The following ADH7 variants were observed in gnomAD, a reference collection of about 807,000 sequenced individuals.
ADH7 encodes the protein all-trans-retinol dehydrogenase [NAD(+)] ADH7.
In ADH7, 41 loss-of-function variants were observed where a neutral mutation model predicts 34.4. The observed-to-expected ratio is 1.19, with a 90% CI of 0.93 to 1.55. The LOEUF (loss-of-function observed/expected upper bound fraction) is 1.55, where lower values mean the gene tolerates loss of function less well. Among genes scored for constraint, ADH7 ranks in the 40% most tolerant of loss-of-function variants. The pLI, the probability that ADH7 is intolerant of heterozygous loss-of-function variation, is 0.00. For synonymous variants in ADH7, 180 were observed against 160.9 expected (o/e 1.12, Z -0.90); for missense variants, 540 against 461.2 (o/e 1.17, Z -1.56).
At position 99,428,758 on chromosome 4, in the gene ADH7, C is replaced by T. The variant is rs571672918; in HGVS notation, c.121-128G>A. ...TCTTTGCCTAATATAACAACATTTACTCTTAGACTATTCTGAGCCAAAAAT... is the reference window on the plus strand; with the variant it reads ...TCTTTGCCTAATATAACAACATTTATTCTTAGACTATTCTGAGCCAAAAAT... On this transcript the variant is annotated intron_variant, in intron 2 of 8. Coordinates refer to ENST00000437033, the MANE Select transcript of ADH7 (RefSeq NM_000673.7). 137 of 1,225,968 alleles carry T rather than the reference C, an allele frequency of 1.1e-4. 2 individuals are homozygous for T. In the African/African-American group the frequency reaches 1.5e-3, roughly 13 times the overall value. 75.9% of individuals were successfully genotyped at this position (1,225,968 alleles called of 1,614,324 possible).
rs150551313 is a variant in ADH7 at position 99,419,115 on chromosome 4, C to A, written c.832G>T (p.Ala278Ser). 118 of 1,613,296 alleles carry A rather than the reference C, an allele frequency of 7.3e-5. No homozygotes were observed. Among genetic ancestry groups the A allele is most frequent in the Non-Finnish European group, 9.3e-5 (110 of 1,179,654 alleles). Reference sequence around the variant, plus strand: ...TAGTTCATGTGGCAGGATGCCAGGGCATCAATCTGAGTTTAAAACGGAGGA... The same window carrying A: ...TAGTTCATGTGGCAGGATGCCAGGGAATCAATCTGAGTTTAAAACGGAGGA... ...VIGHLETMID[A>S]LASCHMNYGT... The change falls in exon 7 of 9, where the codon GCC (alanine) becomes TCC (serine). Residue 278 changes from alanine (A) to serine (S), a missense_variant. Transcript: ENST00000437033.
chr4:99,429,892 T>C (rs956921352), intron 1 of ADH7, among the ~76,000 whole-genome samples: 1 of 152,174 alleles, frequency 6.6e-6, no homozygotes, highest in South Asian at 2.1e-4. Flanking sequence ...GGACTAGACC[T>C]GAGGTACTTT....
At position 99,415,492 on chromosome 4, in the gene ADH7, G is replaced by T; in HGVS notation, c.1086C>A (p.Leu362=). Residue 362 remains leucine, a synonymous_variant, in exon 8 of 9, where the codon CTC becomes CTA. Coordinates refer to ENST00000437033, the MANE Select transcript of ADH7 (RefSeq NM_000673.7). ...FKKISEGFEL[L]NSGQSIRTVL... ...GAAACAGTTACCTTTGTCCTGAATT[G>T]AGCAGCTCAAATCCTTCACTGATTT... 1.2e-6 allele frequency: 2 copies of T among 1,612,594 alleles called. No individual in the cohort carries two copies. Among genetic ancestry groups the T allele is most frequent in the South Asian group, 1.1e-5 (1 of 90,740 alleles).
chr4:99,413,704 A>T lies in ADH7; in HGVS notation c.1101-532T>A, dbSNP rs189612768. Among the ~76,000 whole-genome samples, 101 of 152,336 alleles carry T rather than the reference A, an allele frequency of 6.6e-4. 1 individual carries two copies. Among genetic ancestry groups the T allele is most frequent in the African/African-American group, 2.4e-3 (98 of 41,578 alleles). Reference sequence around the variant, plus strand: ...CTTAGTGAAAGACTAACTGGAATGTATTTTAATACAGAAGGTGGAAAACCT... The same window carrying T: ...CTTAGTGAAAGACTAACTGGAATGTTTTTTAATACAGAAGGTGGAAAACCT... On this transcript the variant is annotated intron_variant, in intron 8 of 8. Transcript: ENST00000437033.
At position 99,413,103 on chromosome 4, in the gene ADH7, A is replaced by G; in HGVS notation, c.*45T>C. 6.2e-7 allele frequency: 1 copy of G among 1,606,794 alleles called. No individual in the cohort carries two copies. The highest frequency in any genetic ancestry group is 8.5e-7 in the Non-Finnish European group (1 of 1,174,954). On this transcript the variant is annotated 3_prime_UTR_variant, in exon 9 of 9. Transcript: ENST00000437033. ...AGATGAGGGAACTCTCACAAGAGAA[A>G]CTCCAGTTCACCATGACAACACAGA...
intron 8 of ADH7, 127 bp from the exon 9 acceptor site, chr4:99,413,299 G>A: frequency 2.0e-6 from 2 of 1,001,284 alleles, no homozygotes; most frequent in East Asian, 5.1e-5. Flanking sequence ...AAATCCTCTG[G>A]GCTCAAAGTC....
intron 1 of ADH7, among the ~76,000 whole-genome samples, chr4:99,430,723 G>A (rs1357281611): frequency 6.6e-6 from 1 of 152,104 alleles, no homozygotes; most frequent in African/African-American, 2.4e-5. Flanking sequence ...GTGTAATATG[G>A]CCCAATGTTG....
At chr4:99,421,854 A>G (rs1359770213) in intron 5 of ADH7, among the ~76,000 whole-genome samples, 1 of 152,220 alleles carries the variant, frequency 6.6e-6, no homozygotes, top group East Asian at 1.9e-4. Flanking sequence ...ATATGAACAG[A>G]CACTTCTCAA....
intron 5 of ADH7, among the ~76,000 whole-genome samples, 160 bp from the exon 6 acceptor site, chr4:99,420,953 A>G (rs1721644334): frequency 6.6e-6 from 1 of 152,246 alleles, no homozygotes; most frequent in South Asian, 2.1e-4. Context: ...AGGGATGTGA[A>G]GGACCTCTTC....
chr4:99,419,154 C>T (rs749296680), intron 6 of ADH7, 33 bp from the exon 7 acceptor site: 4 of 1,603,422 alleles, frequency 2.5e-6, no homozygotes, highest in Non-Finnish European at 3.4e-6. Context: ...CGTTTGCTTC[C>T]TGTGTCTCTT....
In ADH7 at chr4:99,415,464, T is replaced by A; in HGVS notation, c.1100+14A>T. On this transcript the variant is annotated intron_variant, in intron 8 of 8. Transcript: ENST00000437033. Reference sequence around the variant, plus strand: ...CTGTGGAGAAGAGACAAGATCATCATAAGAAACAGTTACCTTTGTCCTGAA... The same window carrying A: ...CTGTGGAGAAGAGACAAGATCATCAAAAGAAACAGTTACCTTTGTCCTGAA... 1.2e-6 allele frequency: 2 copies of A among 1,608,332 alleles called. No individual in the cohort carries two copies. Among genetic ancestry groups the A allele is most frequent in the Non-Finnish European group, 1.7e-6 (2 of 1,177,536 alleles).
Position 99,418,967 on chromosome 4 carries a change from G to A in ADH7, c.961+19C>T, listed in dbSNP as rs375718550. 6.2e-7 allele frequency: 1 copy of A among 1,612,512 alleles called. No homozygotes were observed. Among genetic ancestry groups the A allele is most frequent in the Non-Finnish European group, 8.5e-7 (1 of 1,179,286 alleles). On this transcript the variant is annotated intron_variant, in intron 7 of 8. Transcript: ENST00000437033. Reference sequence around the variant, plus strand: ...AGTGAAAGCCATCACTCCCCATCCAGAGGCTTTGCTTTCCTGACCTCCAAA... The same window carrying A: ...AGTGAAAGCCATCACTCCCCATCCAAAGGCTTTGCTTTCCTGACCTCCAAA...
intron 7 of ADH7, 88 bp downstream of exon 7, chr4:99,418,898 G>A (rs1339608741): frequency 1.3e-6 from 2 of 1,487,166 alleles, no homozygotes; most frequent in South Asian, 1.3e-5. Context: ...ATTCTTGGAA[G>A]AAAGGCCTGA....
intron 1 of ADH7, 165 bp downstream of exon 1, chr4:99,435,050 GA>G: frequency 1.3e-6 from 2 of 1,544,330 alleles, no homozygotes; most frequent in Non-Finnish European, 1.7e-6. Context: ...GACATTCTCT[GA>G]AACACCATAT....
At chr4:99,434,978 A>G (rs1722013972) in intron 1 of ADH7, 3 of 1,406,436 alleles carry the variant, frequency 2.1e-6, no homozygotes, top group Non-Finnish European at 2.9e-6. Flanking sequence ...CAATTTCTCT[A>G]TTTTCCACCA....
intron 5 of ADH7, among the ~76,000 whole-genome samples, chr4:99,423,753 AG>A (rs1401811248): frequency 4.0e-5 from 6 of 151,818 alleles, no homozygotes; most frequent in African/African-American, 1.5e-4. Context: ...AATTTGTTTG[AG>A]TTCATTGTAG....
At chr4:99,429,958 G>C (rs540356143) in intron 1 of ADH7, among the ~76,000 whole-genome samples, 10 of 152,226 alleles carry the variant, frequency 6.6e-5, no homozygotes, top group Admixed American at 5.9e-4. Flanking sequence ...CCAAAAATAG[G>C]TTATTTTGTT....
intron 1 of ADH7, among the ~76,000 whole-genome samples, chr4:99,434,618 C>CT (rs1252695440): frequency 1.3e-5 from 2 of 152,088 alleles, no homozygotes; most frequent in Non-Finnish European, 2.9e-5. Flanking sequence ...AATACCAACT[C>CT]TGCTAACTCT....
chr4:99,423,710 CT>C (rs1721727535), intron 5 of ADH7, among the ~76,000 whole-genome samples: 2 of 152,152 alleles, frequency 1.3e-5, no homozygotes, highest in Non-Finnish European at 2.9e-5. Flanking sequence ...CCTTTGCCCA[CT>C]TTTTGATGGG....
Sources: allele counts gnomAD v4.1 joint callset (sites outside exome capture counted in the v4.1 genomes callset), GRCh38; gene constraint gnomAD v4.1.1; transcripts MANE v1.5; gene names NCBI Gene and HGNC (gene_info 2026-07-23, HGNC 2026-07-21).